Variants in CCSER1 observed in about 807,000 individuals in gnomAD.
CCSER1 encodes the protein coiled-coil serine rich protein 1, also known as serine-rich coiled-coil domain-containing protein 1.
A neutral mutation model predicts 82.0 loss-of-function variants in CCSER1; 41 were observed. The ratio of observed to expected loss-of-function variants is 0.50; its 90% CI spans 0.39 to 0.65. The LOEUF (loss-of-function observed/expected upper bound fraction) is 0.65, where lower values mean the gene tolerates loss of function less well. CCSER1 is among the 30% of genes least tolerant of loss of function. The pLI is 0.00. For missense variants in CCSER1, 1,119 were observed against 1,064.2 expected, an observed-to-expected ratio of 1.05 and a Z score of -0.72; for synonymous variants, 414 against 383.9, an observed-to-expected ratio of 1.08 and a Z score of -0.92.
chr4:91,305,870 T>C, intron 10 of CCSER1, among the ~76,000 whole-genome samples: 1 of 151,960 alleles, frequency 6.6e-6, no homozygotes, highest in East Asian at 1.9e-4. Flanking sequence ...TCAGGGGAAC[T>C]GCCATTTATA....
At chr4:91,526,553 G>T (rs1760773779) in intron 10 of CCSER1, among the ~76,000 whole-genome samples, 1 of 152,096 alleles carries the variant, frequency 6.6e-6, no homozygotes, top group South Asian at 2.1e-4. Flanking sequence ...TACAGAGTTT[G>T]ACTCTGTTTG....
At chr4:91,395,152 T>A (rs1188503695) in intron 10 of CCSER1, among the ~76,000 whole-genome samples, 1 of 152,068 alleles carries the variant, frequency 6.6e-6, no homozygotes, top group East Asian at 1.9e-4. Context: ...ACTTGTCTGA[T>A]CAGTAAAGCT....
At chr4:91,177,045 T>C (rs1432608869) in intron 10 of CCSER1, among the ~76,000 whole-genome samples, 1 of 152,200 alleles carries the variant, frequency 6.6e-6, no homozygotes, top group Non-Finnish European at 1.5e-5. Flanking sequence ...TTGAATTTTG[T>C]CGAAGGCCTT....
intron 10 of CCSER1, among the ~76,000 whole-genome samples, chr4:91,330,940 T>C (rs774128033): frequency 1.3e-5 from 2 of 152,152 alleles, no homozygotes; most frequent in Non-Finnish European, 2.9e-5. Context: ...CTGTCTGGCT[T>C]TGTTCAGCCT....
Position 90,386,898 on chromosome 4 carries a change from T to C in CCSER1, c.1510-13138T>C, listed in dbSNP as rs554951583. 5.3e-5 allele frequency among the ~76,000 whole-genome samples: 8 copies of C among 152,336 alleles called. No homozygotes were observed. The South Asian group carries it at 1.7e-3, about 32-fold the overall frequency. On this transcript the variant is annotated intron_variant, in intron 3 of 10. Transcript: ENST00000509176. ...TAAAGTAGCTGTTTCCTGCAACTAA[T>C]ATGGTGTTTTTTTATGTCATTTATC... is the stretch of plus-strand genomic sequence containing the variant.
chr4:91,328,497 A>G (rs1746721571), intron 10 of CCSER1, among the ~76,000 whole-genome samples: 1 of 152,180 alleles, frequency 6.6e-6, no homozygotes, highest in Non-Finnish European at 1.5e-5. Flanking sequence ...ACCAGGCCTC[A>G]CCTTCAACAT....
At chr4:91,154,292 G>A (rs1049800257) in intron 10 of CCSER1, among the ~76,000 whole-genome samples, 2 of 152,060 alleles carry the variant, frequency 1.3e-5, no homozygotes, top group African/African-American at 4.8e-5. Context: ...GGCTCCATGG[G>A]TGTGGGACCC....
At chr4:90,886,206 A>G (rs1722095925) in intron 8 of CCSER1, among the ~76,000 whole-genome samples, 1 of 152,324 alleles carries the variant, frequency 6.6e-6, no homozygotes, top group Non-Finnish European at 1.5e-5. Context: ...TGAGAAAATT[A>G]TGAACTAGAC....
intron 10 of CCSER1, among the ~76,000 whole-genome samples, chr4:91,491,552 G>T (rs1248262077): frequency 6.6e-6 from 1 of 151,940 alleles, no homozygotes; most frequent in Non-Finnish European, 1.5e-5. Flanking sequence ...GATATTGGTT[G>T]GCCACAGCAT....
chr4:90,927,081 A>G (rs1729161522), intron 9 of CCSER1, among the ~76,000 whole-genome samples: 1 of 152,062 alleles, frequency 6.6e-6, no homozygotes, highest in African/African-American at 2.4e-5. Flanking sequence ...TAAAGATCTT[A>G]TATTCTGACA....
intron 10 of CCSER1, among the ~76,000 whole-genome samples, chr4:91,411,491 C>CTTATATATATATATATAT (rs1753020716): frequency 3.7e-5 from 2 of 53,812 alleles, no homozygotes; most frequent in African/African-American, 8.0e-5. Flanking sequence ...TGCATATATA[C>CTTATATATATATATATAT]ATATATATAT....
intron 10 of CCSER1, among the ~76,000 whole-genome samples, chr4:91,574,785 A>G (rs980587690): frequency 6.6e-6 from 1 of 152,058 alleles, no homozygotes; most frequent in Non-Finnish European, 1.5e-5. Context: ...ACTGTTTGTT[A>G]CTATGCTCAT....
intron 10 of CCSER1, among the ~76,000 whole-genome samples, chr4:91,174,827 T>C (rs1457758709): frequency 1.3e-5 from 2 of 151,798 alleles, no homozygotes; most frequent in Non-Finnish European, 2.9e-5. Context: ...CTTTTCTTTT[T>C]TTTTTTTTAT....
chr4:90,911,981 G>A (rs1357295171), intron 8 of CCSER1, among the ~76,000 whole-genome samples: 2 of 152,230 alleles, frequency 1.3e-5, no homozygotes, highest in East Asian at 1.9e-4. Context: ...AAGCAGCCTG[G>A]AAGCTGGAAT....
rs1393109905 is a variant in CCSER1 at position 90,469,420 on chromosome 4, T to C, written c.1724+1066T>C. ...TCAGTTAATTTAACTGCTCTTCATA[T>C]AGTCTTAATTTTTAAGTTCCAAAAG... On this transcript the variant is annotated intron_variant, in intron 5 of 10. Coordinates refer to ENST00000509176, the MANE Select transcript of CCSER1 (RefSeq NM_001145065.2). Among the ~76,000 whole-genome samples, 2 of 152,130 alleles carry C rather than the reference T, an allele frequency of 1.3e-5. 1 individual carries two copies. Among genetic ancestry groups the C allele is most frequent in the Admixed American group, 1.3e-4 (2 of 15,268 alleles).
intron 5 of CCSER1, among the ~76,000 whole-genome samples, chr4:90,472,380 G>T (rs557765642): frequency 6.4e-4 from 97 of 152,084 alleles, no homozygotes; most frequent in African/African-American, 2.3e-3. Context: ...TTTTACTTTT[G>T]ACTTTTTTTA....
intron 8 of CCSER1, among the ~76,000 whole-genome samples, chr4:90,846,790 A>G (rs1284960378): frequency 6.6e-6 from 1 of 152,052 alleles, no homozygotes; most frequent in African/African-American, 2.4e-5. Flanking sequence ...AGCTGGGATT[A>G]CAGGCACGCC....
At chr4:90,843,248 G>A (rs1334096251) in intron 8 of CCSER1, among the ~76,000 whole-genome samples, 2 of 150,932 alleles carry the variant, frequency 1.3e-5, no homozygotes, top group Non-Finnish European at 3.0e-5. Flanking sequence ...AAAAAAAAGT[G>A]TGTGTAACAT....
intron 8 of CCSER1, among the ~76,000 whole-genome samples, chr4:90,818,057 C>G (rs1281811641): frequency 3.3e-5 from 5 of 152,030 alleles, no homozygotes; most frequent in Admixed American, 2.0e-4. Context: ...TTCTTGACCA[C>G]TGTTATTATC....
Sources: gnomAD v4.1 joint callset for allele counts (sites outside exome capture counted in the v4.1 genomes callset) on GRCh38, gnomAD v4.1.1 for gene constraint, MANE v1.5 for transcripts, NCBI Gene and HGNC (gene_info 2026-07-23, HGNC 2026-07-21) for gene names.